The following CDH12 variants were observed in gnomAD, a reference collection of about 807,000 sequenced individuals.
CDH12 encodes the protein cadherin-12.
CDH12 carries 41 observed loss-of-function variants against 74.1 expected under a neutral mutation model. The observed-to-expected ratio is 0.55, with a 90% CI of 0.43 to 0.72. The LOEUF (loss-of-function observed/expected upper bound fraction) is 0.72. Ranked by LOEUF, CDH12 falls within the 30% of genes least tolerant of loss-of-function variation. CDH12 has a pLI of 0.00. For missense variants in CDH12, 945 were observed against 977.2 expected (o/e 0.97, Z 0.44); for synonymous variants, 399 against 355.0 (o/e 1.12, Z -1.39).
intron 3 of CDH12, among the ~76,000 whole-genome samples, chr5:22,355,522 AAATATATATAT>A (rs1346456050): frequency 9.0e-6 from 1 of 110,884 alleles, no homozygotes; most frequent in East Asian, 2.3e-4. Flanking sequence ...CTTAAAAAAA[AAATATATATAT>A]ATATATATAA....
chr5:22,396,823 T>C (rs1160354224), intron 3 of CDH12, among the ~76,000 whole-genome samples: 1 of 152,098 alleles, frequency 6.6e-6, no homozygotes, highest in Non-Finnish European at 1.5e-5. Flanking sequence ...TGTTAGTCAT[T>C]GGTTTCTTTA....
intron 2 of CDH12, among the ~76,000 whole-genome samples, chr5:22,429,789 C>G (rs1199510666): frequency 6.6e-6 from 1 of 152,186 alleles, no homozygotes; most frequent in East Asian, 1.9e-4. Context: ...CTACACAAAG[C>G]TCTCCTGACA....
At chr5:22,345,568 G>T (rs1740075099) in intron 3 of CDH12, among the ~76,000 whole-genome samples, 1 of 152,108 alleles carries the variant, frequency 6.6e-6, no homozygotes, top group Admixed American at 6.5e-5. Context: ...TAACCTATTA[G>T]TTTGGTGCAA....
intron 3 of CDH12, among the ~76,000 whole-genome samples, chr5:22,240,603 G>A (rs1357478992): frequency 1.3e-5 from 2 of 152,068 alleles, no homozygotes; most frequent in African/African-American, 2.4e-5. Flanking sequence ...GTGCGATCTC[G>A]GCTCACTGCA....
chr5:22,384,020 G>T (rs1484545983), intron 3 of CDH12, among the ~76,000 whole-genome samples: 1 of 151,838 alleles, frequency 6.6e-6, no homozygotes, highest in Non-Finnish European at 1.5e-5. Flanking sequence ...TGTTAAATGG[G>T]TTTTGCTAGA....
Position 22,430,824 on chromosome 5 carries a change from CT to C in CDH12, c.-427-25474del, listed in dbSNP as rs199599709. ...GCCAAGCAGCTAAAATTAGAAACTA[CT>C]TTTTTTTTTTCTTAGCAAGTAGCTC... On this transcript the variant is annotated intron_variant, in intron 2 of 14. Transcript: ENST00000382254. 8.6e-4 allele frequency among the ~76,000 whole-genome samples: 127 copies of C among 148,346 alleles called. 2 individuals are homozygous for C. The highest frequency in any genetic ancestry group is 7.0e-3 in the Middle Eastern group (2 of 284).
At chr5:22,228,799 TAA>T (rs35324526) in intron 3 of CDH12, among the ~76,000 whole-genome samples, 1 of 151,814 alleles carries the variant, frequency 6.6e-6, no homozygotes, top group African/African-American at 2.4e-5. Context: ...TATTATGTTC[TAA>T]AAAAAATTTA....
chr5:22,492,442 G>C (rs1249531218), intron 2 of CDH12, among the ~76,000 whole-genome samples: 2 of 151,746 alleles, frequency 1.3e-5, no homozygotes, highest in African/African-American at 4.8e-5. Context: ...CTGCCACCCG[G>C]GGTCAAGTGA....
intron 4 of CDH12, among the ~76,000 whole-genome samples, chr5:22,132,824 G>A (rs1271613979): frequency 8.5e-5 from 13 of 152,144 alleles, no homozygotes; most frequent in Middle Eastern, 3.4e-3. Flanking sequence ...TATGCAACTC[G>A]GGTCCAGGAT....
intron 6 of CDH12, among the ~76,000 whole-genome samples, chr5:21,934,977 G>A (rs1234285909): frequency 6.6e-6 from 1 of 152,092 alleles, no homozygotes; most frequent in Non-Finnish European, 1.5e-5. Flanking sequence ...TCGTAGAGAC[G>A]GGGTTTCATC....
intron 2 of CDH12, among the ~76,000 whole-genome samples, chr5:22,474,214 C>A (rs1429860089): frequency 1.3e-5 from 2 of 152,114 alleles, no homozygotes; most frequent in Non-Finnish European, 2.9e-5. Context: ...AGTGAAGTGG[C>A]TGCAGGTTAG....
chr5:21,929,681 C>G (rs1754747930), intron 6 of CDH12, among the ~76,000 whole-genome samples: 1 of 152,030 alleles, frequency 6.6e-6, no homozygotes. Context: ...CCACACCTGG[C>G]TACTTTTTGT....
intron 2 of CDH12, among the ~76,000 whole-genome samples, chr5:22,409,129 A>C (rs1362610568): frequency 1.3e-5 from 2 of 152,106 alleles, no homozygotes; most frequent in Admixed American, 6.6e-5. Flanking sequence ...AGATAGTAAA[A>C]GTCTCATATG....
chr5:22,718,362 G>A (rs1743693273), intron 1 of CDH12, among the ~76,000 whole-genome samples: 2 of 152,172 alleles, frequency 1.3e-5, no homozygotes, highest in African/African-American at 4.8e-5. Flanking sequence ...ACATAAATGT[G>A]AAAAAGGTGC....
At chr5:21,889,445 C>T (rs1752796607) in intron 6 of CDH12, 2 of 335,304 alleles carry the variant, frequency 6.0e-6, no homozygotes, top group Non-Finnish European at 8.5e-6. Context: ...GCTGTAGTTG[C>T]CTGCACCTGT....
intron 4 of CDH12, among the ~76,000 whole-genome samples, chr5:22,182,256 C>A (rs1749690216): frequency 6.6e-6 from 1 of 151,846 alleles, no homozygotes; most frequent in South Asian, 2.1e-4. Flanking sequence ...TTTTTTCTAA[C>A]CTAGCTTTTA....
At chr5:22,820,178 G>C (rs552489835) in intron 1 of CDH12, among the ~76,000 whole-genome samples, 3 of 151,422 alleles carry the variant, frequency 2.0e-5, no homozygotes, top group African/African-American at 7.3e-5. Flanking sequence ...AAATGAAAAA[G>C]GTTAAAAATA....
intron 1 of CDH12, among the ~76,000 whole-genome samples, chr5:22,525,277 C>CA (rs1373620515): frequency 6.6e-6 from 1 of 152,070 alleles, no homozygotes; most frequent in East Asian, 1.9e-4. Flanking sequence ...CATACATGTG[C>CA]ATGTGTCTTT....
chr5:22,098,559 T>C (rs1743940665), intron 4 of CDH12, among the ~76,000 whole-genome samples: 1 of 152,154 alleles, frequency 6.6e-6, no homozygotes, highest in Admixed American at 6.5e-5. Context: ...CTCGCTACAG[T>C]TCTCATAACT....
Sources: gnomAD v4.1 joint callset for allele counts (sites outside exome capture counted in the v4.1 genomes callset) on GRCh38, gnomAD v4.1.1 for gene constraint, MANE v1.5 for transcripts, NCBI Gene and HGNC (gene_info 2026-07-23, HGNC 2026-07-21) for gene names.